The following NOTCH4 variants were observed in gnomAD, a reference collection of about 807,000 sequenced individuals.
NOTCH4 encodes neurogenic locus notch homolog protein 4.
NOTCH4 carries 138 observed loss-of-function variants against 189.0 expected under a neutral mutation model. That is an observed-to-expected ratio of 0.73 (90% CI 0.64 to 0.84). NOTCH4 has a LOEUF of 0.84. Ranked by LOEUF, NOTCH4 falls within the 40% of genes least tolerant of loss-of-function variation. The probability of loss-of-function intolerance (pLI) is 0.00; values close to 1 mark genes in which losing one functional copy is unlikely to be tolerated. For missense variants in NOTCH4, 2,286 were observed against 2,605.4 expected (o/e 0.88, Z 2.67); for synonymous variants, 942 against 1,032.8 (o/e 0.91, Z 1.69).
chr6:32,199,044 G>A lies in NOTCH4; in HGVS notation c.4417C>T (p.Arg1473Cys), dbSNP rs1041758474. 6.8e-6 allele frequency: 11 copies of A among 1,612,902 alleles called. No homozygotes were observed. The highest frequency in any genetic ancestry group is 9.3e-6 in the Non-Finnish European group (11 of 1,179,920). Residue 1473 changes from arginine to cysteine, a missense_variant, in exon 24 of 30, where the codon CGT (arginine) becomes TGT (cysteine). Physicochemically the swap from Arg to Cys is radical, Grantham distance 180. This residue lies in a region of NOTCH4 where 1,903 missense variants were observed against 2,261.9 expected (regional missense o/e 0.84). Transcript: ENST00000375023. The surrounding 1 kb of genome is among the most constrained non-coding windows in gnomAD (Gnocchi z 4.9). ...AGAGCTCCATGCTCTCGGCGTCGAC[G>A]CCGGATGAGCTGGAGGACGAGAAGA... ...GALLVLQLIR[R>C]RRREHGALWL...
Position 32,198,383 on chromosome 6 carries a change from CTTTT to C in NOTCH4, c.4756+34_4756+37del. 8.1e-7 allele frequency: 1 copy of C among 1,241,876 alleles called. No individual in the cohort carries two copies. The highest frequency in any genetic ancestry group is 1.1e-6 in the Non-Finnish European group (1 of 900,730). 76.9% of individuals were successfully genotyped at this position (1,241,876 alleles called of 1,614,324 possible). ...CTCTGATTCTAATAGGGTCAAAGGA[CTTTT>C]TTTTTTTTTCTTGGTCTGGGTTGAC... On this transcript the variant is annotated intron_variant, in intron 26 of 29. Coordinates refer to ENST00000375023, the MANE Select transcript of NOTCH4 (RefSeq NM_004557.4). The surrounding 1 kb of genome is among the most constrained non-coding windows in gnomAD (Gnocchi z 5.5).
intron 19 of NOTCH4, 127 bp from the exon 20 acceptor site, chr6:32,204,009 C>T (rs370748192): frequency 1.8e-5 from 9 of 505,772 alleles, no homozygotes; most frequent in South Asian, 7.2e-5. Flanking sequence ...CTTTTCTGGG[C>T]GGGGGTGGGC....
chr6:32,210,827 G>A lies in NOTCH4; in HGVS notation c.2790C>T (p.His930=), dbSNP rs1047743801. The A allele has an allele frequency of 4.3e-6, 7 of 1,612,914 alleles. No homozygotes were observed. Among genetic ancestry groups the A allele is most frequent in the South Asian group, 1.1e-5 (1 of 91,094 alleles). The change falls in exon 18 of 30, where the codon CAC becomes CAT. Residue 930 remains histidine, a synonymous_variant. Transcript: ENST00000375023. The surrounding 1 kb of genome is among the most constrained non-coding windows in gnomAD (Gnocchi z 4.8). ...PGFQGSLCQD[H]VNPCESRPCQ... Reference sequence around the variant, plus strand: ...AAGGCCTGGACTCACATGGGTTCACGTGATCCTGGCACAGGCTGCCTTGGA... The same window carrying A: ...AAGGCCTGGACTCACATGGGTTCACATGATCCTGGCACAGGCTGCCTTGGA...
Position 32,195,664 on chromosome 6 carries a change from T to C in NOTCH4, c.5785A>G (p.Ile1929Val). ...GCCACTCCGTATCTTCCTCGCATTA[T>C]CGCAGGGTTGGGCCGAGGCCCGCGC... ...GMRGPRPNPA[I>V]MRGRYGVAAG... Residue 1929 changes from isoleucine (I) to valine (V), a missense_variant, in exon 30 of 30, where the codon ATA (isoleucine) becomes GTA (valine). Physicochemically the swap from Ile to Val is conservative, Grantham distance 29. This residue lies in a region of NOTCH4 where 383 missense variants were observed against 343.5 expected (regional missense o/e 1.11). Coordinates refer to ENST00000375023, the MANE Select transcript of NOTCH4 (RefSeq NM_004557.4). This position sits in a 1 kb window ranked among gnomAD's most constrained non-coding sequence, Gnocchi z 5.4. The C allele has an allele frequency of 6.2e-7, 1 of 1,613,006 alleles. No homozygotes were observed. The highest frequency in any genetic ancestry group is 8.5e-7 in the Non-Finnish European group (1 of 1,179,974).
Position 32,198,680 on chromosome 6 carries a change from G to A in NOTCH4, c.4586C>T (p.Ser1529Leu). ...CACCTCCTCTCCCTCCTCAGGGCCT[G>A]AGCACATCACAACTCCATCCTCATC... ...EVDEDGVVMC[S>L]GPEEGEEVGQ... Residue 1529 changes from serine (S) to leucine (L), a missense_variant, in exon 25 of 30, where the codon TCA becomes TTA. Physicochemically the swap from Ser to Leu is moderately radical, Grantham distance 145 (BLOSUM62 -2). This residue lies in a region of NOTCH4 where 1,903 missense variants were observed against 2,261.9 expected (regional missense o/e 0.84). Coordinates refer to ENST00000375023, the MANE Select transcript of NOTCH4 (RefSeq NM_004557.4). The surrounding 1 kb of genome is among the most constrained non-coding windows in gnomAD (Gnocchi z 5.5). The A allele has an allele frequency of 6.2e-7, 1 of 1,612,748 alleles. No individual in the cohort carries two copies. The highest frequency in any genetic ancestry group is 8.5e-7 in the Non-Finnish European group (1 of 1,179,876).
In NOTCH4 at chr6:32,221,205, C is replaced by G. The variant is rs1318898474; in HGVS notation, c.572G>C (p.Cys191Ser). The G allele has an allele frequency of 6.2e-7, 1 of 1,613,022 alleles. No individual in the cohort carries two copies. Among genetic ancestry groups the G allele is most frequent in the African/African-American group, 1.3e-5 (1 of 74,948 alleles). Residue 191 changes from cysteine (C) to serine (S), a missense_variant, in exon 4 of 30, where the codon TGT (cysteine) becomes TCT (serine). Physicochemically the swap from Cys to Ser is moderately radical, Grantham distance 112 (BLOSUM62 -1). This residue lies in a region of NOTCH4 where 1,903 missense variants were observed against 2,261.9 expected (regional missense o/e 0.84). Coordinates refer to ENST00000375023, the MANE Select transcript of NOTCH4 (RefSeq NM_004557.4). The surrounding 1 kb of genome is among the most constrained non-coding windows in gnomAD (Gnocchi z 4.3). ...GAAGCACTCGTTGACATCACGTTCA[C>G]AGGCATGGCCCTCGAAGCCCGGTGG... ...HCPPGFEGHA[C>S]ERDVNECFQD...
chr6:32,217,391 G>A lies in NOTCH4; in HGVS notation c.1625-125C>T, dbSNP rs891345878. 4 of 644,374 alleles carry A rather than the reference G, an allele frequency of 6.2e-6. No homozygotes were observed. Among genetic ancestry groups the A allele is most frequent in the South Asian group, 5.5e-5 (3 of 54,136 alleles). 39.9% of individuals were successfully genotyped at this position (644,374 alleles called of 1,614,324 possible). A position where few individuals can be genotyped will look rare whatever the true frequency, so the allele number is the denominator to read the frequency against. On this transcript the variant is annotated intron_variant, in intron 9 of 29. Coordinates refer to ENST00000375023, the MANE Select transcript of NOTCH4 (RefSeq NM_004557.4). The surrounding 1 kb of genome is among the most constrained non-coding windows in gnomAD (Gnocchi z 4.2). ...CCCAGAGAAGACACCTGGGGCAGGT[G>A]AGCGTGGGGTGACAGGAGATGATGC... is the stretch of plus-strand genomic sequence containing the variant.
chr6:32,207,479 C>T (rs1451490256), intron 18 of NOTCH4, among the ~76,000 whole-genome samples: 1 of 150,966 alleles, frequency 6.6e-6, no homozygotes, highest in African/African-American at 2.4e-5. Context: ...CAAAAATTAG[C>T]CGGGCGTAGT....
intron 18 of NOTCH4, among the ~76,000 whole-genome samples, chr6:32,206,198 C>G (rs1309232250): frequency 6.6e-6 from 1 of 152,054 alleles, no homozygotes; most frequent in East Asian, 2.0e-4. Context: ...CAAGGTAATA[C>G]TGGAAGTCCT....
Position 32,213,146 on chromosome 6 carries a change from G to T in NOTCH4, c.2427C>A (p.Ser809Arg). ...TGGGCCCTGCTCACCTGTCTGCACA[G>T]CTGGGGCGGAGCTTTCCCTCACAGC... ...GPRCEGKLRP[S>R]CADSPCRNRA... Residue 809 changes from serine to arginine, a missense_variant, in exon 15 of 30, where the codon AGC becomes AGA. Transcript: ENST00000375023. The T allele has an allele frequency of 6.2e-7, 1 of 1,613,156 alleles. No individual in the cohort carries two copies. The highest frequency in any genetic ancestry group is 8.5e-7 in the Non-Finnish European group (1 of 1,179,246).
rs754580259 is a variant in NOTCH4, at chr6:32,223,905, C to T, written c.24G>A (p.Leu8=). Residue 8 remains leucine (L), a synonymous_variant, in exon 1 of 30, where the codon CTG becomes CTA. Coordinates refer to ENST00000375023, the MANE Select transcript of NOTCH4 (RefSeq NM_004557.4). ...ATAGCAGCAGCAGCAGCAGCAGCAGCAGCAGCAGTGAAGGGGGCTGCATTC... is the reference window on the plus strand; with the variant it reads ...ATAGCAGCAGCAGCAGCAGCAGCAGTAGCAGCAGTGAAGGGGGCTGCATTC... MQPPSLL[L]LLLLLLLLCV... 6.3e-7 allele frequency: 1 copy of T among 1,589,592 alleles called. No homozygotes were observed. The highest frequency in any genetic ancestry group is 8.5e-7 in the Non-Finnish European group (1 of 1,172,442).
rs761901592 is a variant in NOTCH4, at chr6:32,221,004, G to A, written c.773C>T (p.Thr258Ile). The change falls in exon 4 of 30, where the codon ACC becomes ATC. Residue 258 changes from threonine (T) to isoleucine (I), a missense_variant. Physicochemically the swap from Thr to Ile is moderately conservative, Grantham distance 89 (BLOSUM62 -1). This residue lies in a region of NOTCH4 where 1,903 missense variants were observed against 2,261.9 expected (regional missense o/e 0.84). Coordinates refer to ENST00000375023, the MANE Select transcript of NOTCH4 (RefSeq NM_004557.4). The surrounding 1 kb of genome is among the most constrained non-coding windows in gnomAD (Gnocchi z 4.3). ...TCQLMPEKDS[T>I]FHLCLCPPGF... ...TGGGGGACAGAGGCAGAGGTGAAAGGTGGAGTCTTTCTCTGGCATCAGCTG... is the reference window on the plus strand; with the variant it reads ...TGGGGGACAGAGGCAGAGGTGAAAGATGGAGTCTTTCTCTGGCATCAGCTG... 2 of 1,606,480 alleles carry A rather than the reference G, an allele frequency of 1.2e-6. No homozygotes were observed. Among genetic ancestry groups the A allele is most frequent in the Non-Finnish European group, 8.5e-7 (1 of 1,175,224 alleles).
intron 18 of NOTCH4, among the ~76,000 whole-genome samples, chr6:32,204,631 C>T (rs1375453904): frequency 6.6e-6 from 1 of 152,218 alleles, no homozygotes; most frequent in Non-Finnish European, 1.5e-5. Context: ...CACACTGCCA[C>T]CAAACACAGC....
Position 32,197,608 on chromosome 6 carries a change from A to G in NOTCH4, c.4757-14T>C, listed in dbSNP as rs1788037895. ...GTGTCACCCCATCTGTTGGTAAGAC[A>G]GAGTAATGGGTCAATCTAAAGGACA... On this transcript the variant is annotated splice_polypyrimidine_tract_variant and intron_variant, in intron 26 of 29. Transcript: ENST00000375023. The G allele has an allele frequency of 6.3e-7, 1 of 1,599,682 alleles. No individual in the cohort carries two copies.
rs1324281155 is a variant in NOTCH4 at position 32,213,118 on chromosome 6, C to G, written c.2438+17G>C. ...GAGGGGTTTTCTCCCTTCTAGGGGT[C>G]TTTGGGCCCTGCTCACCTGTCTGCA... On this transcript the variant is annotated intron_variant, in intron 15 of 29. Transcript: ENST00000375023. The G allele has an allele frequency of 1.3e-6, 2 of 1,593,780 alleles. No homozygotes were observed. Among genetic ancestry groups the G allele is most frequent in the Non-Finnish European group, 1.7e-6 (2 of 1,162,066 alleles).
chr6:32,216,328 A>T (rs1789405762), intron 11 of NOTCH4: 1 of 154,652 alleles, frequency 6.5e-6, no homozygotes, highest in African/African-American at 2.4e-5. Context: ...AGGTTTCACC[A>T]TGTTGGCCAG....
rs1788247382 is a variant in NOTCH4 at position 32,200,148 on chromosome 6, G to T, written c.4315+683C>A. ...CGTGCCTCATGGGGTTGTGGGGGAGGATTAAATGAGGTAACAATGTAAAAT... is the reference window on the plus strand; with the variant it reads ...CGTGCCTCATGGGGTTGTGGGGGAGTATTAAATGAGGTAACAATGTAAAAT... On this transcript the variant is annotated intron_variant, in intron 23 of 29. Transcript: ENST00000375023. The surrounding 1 kb of genome is among the most constrained non-coding windows in gnomAD (Gnocchi z 5.0). Among the ~76,000 whole-genome samples the T allele has an allele frequency of 6.6e-6, 1 of 152,050 alleles. No individual in the cohort carries two copies. Among genetic ancestry groups the T allele is most frequent in the Non-Finnish European group, 1.5e-5 (1 of 68,024 alleles).
At chr6:32,205,506 C>G (rs1231994093) in intron 18 of NOTCH4, among the ~76,000 whole-genome samples, 2 of 129,028 alleles carry the variant, frequency 1.6e-5, no homozygotes, top group Non-Finnish European at 3.1e-5. Context: ...CGAGATCGCG[C>G]CACTGTACTC....
Position 32,201,262 on chromosome 6 carries a change from C to T in NOTCH4, c.3994G>A (p.Asp1332Asn). Residue 1332 changes from aspartate (D) to asparagine (N), a missense_variant, in exon 22 of 30, where the codon GAT becomes AAT. Coordinates refer to ENST00000375023, the MANE Select transcript of NOTCH4 (RefSeq NM_004557.4). This position sits in a 1 kb window ranked among gnomAD's most constrained non-coding sequence, Gnocchi z 5.5. ...TACACCATGTCCCTGCCATCACGAT[C>T]CTTCCTTACCCAGAGTCCTACCCTC... Reference protein sequence around the residue: ...TLRVGLWVRKDRDGRDMVYPY... With the variant: ...TLRVGLWVRKNRDGRDMVYPY... The T allele has an allele frequency of 1.2e-6, 2 of 1,613,058 alleles. No individual in the cohort carries two copies. Among genetic ancestry groups the T allele is most frequent in the African/African-American group, 1.3e-5 (1 of 75,050 alleles).
Sources: allele counts gnomAD v4.1 joint callset (sites outside exome capture counted in the v4.1 genomes callset), GRCh38; gene constraint gnomAD v4.1.1; regional missense constraint gnomAD v4.1.1; non-coding constraint Gnocchi (gnomAD v3.1); transcripts MANE v1.5; gene names NCBI Gene and HGNC (gene_info 2026-07-23, HGNC 2026-07-21).